The following BEST1 variants were observed in gnomAD, a reference collection of about 807,000 sequenced individuals.
BEST1 encodes bestrophin 1.
A neutral mutation model predicts 63.3 loss-of-function variants in BEST1; 58 were observed. That is an observed-to-expected ratio of 0.92 (90% CI 0.74 to 1.14). The LOEUF is 1.14. BEST1 is among the 50% of genes most tolerant of loss of function. The pLI, the probability that BEST1 is intolerant of heterozygous loss-of-function variation, is 0.00. For synonymous variants in BEST1, 283 were observed against 291.6 expected, an observed-to-expected ratio of 0.97 and a Z score of 0.30; for missense variants, 671 against 740.1, an observed-to-expected ratio of 0.91 and a Z score of 1.08.
In BEST1 at chr11:61,958,910, ACACACACACACACGC is replaced by A. The variant is rs1565035190; in HGVS notation, c.868-587_868-573del. On this transcript the variant is annotated intron_variant, in intron 7 of 10. Coordinates refer to ENST00000378043, the MANE Select transcript of BEST1 (RefSeq NM_004183.4). ...CACACACACACACACACACACATACACACACACACACACGCATTCCTATTCCTCTAAATTCCCCCT... is the reference window on the plus strand; with the variant it reads ...CACACACACACACACACACACATACAATTCCTATTCCTCTAAATTCCCCCT... The A allele has an allele frequency of 5.1e-5, 12 of 236,068 alleles. No homozygotes were observed. The East Asian group carries it at 1.3e-3, about 26-fold the overall frequency. The allele number at this position is 236,068 out of a possible 1,614,324, so 14.6% of individuals were successfully genotyped here. A position where few individuals can be genotyped will look rare whatever the true frequency, so the allele number is the denominator to read the frequency against.
chr11:61,954,799 T>G, intron 2 of BEST1: 2 of 985,340 alleles, frequency 2.0e-6, no homozygotes, highest in Non-Finnish European at 2.4e-6. Flanking sequence ...TTGGCTGCAT[T>G]CAAAGGATCA....
downstream of BEST1, chr11:61,965,133 G>GC (rs1942422017): frequency 6.2e-7 from 1 of 1,602,628 alleles, no homozygotes; most frequent in Admixed American, 1.7e-5. Flanking sequence ...ATAGGTTAAT[G>GC]CATCTCTACC....
chr11:61,965,498 G>A (rs780322158), downstream of BEST1: 7 of 1,602,378 alleles, frequency 4.4e-6, no homozygotes, highest in South Asian at 5.5e-5. Context: ...CCACATCATC[G>A]CGGTCAAAGT....
chr11:61,959,837 A>G (rs572078253), intron 8 of BEST1, 55 bp from the exon 9 acceptor site: 1 of 1,604,480 alleles, frequency 6.2e-7, no homozygotes, highest in Admixed American at 1.7e-5. Context: ...AGGCACATAC[A>G]AGGTCCTGCC....
In BEST1 at chr11:61,962,425, G is replaced by C. The variant is rs201210799; in HGVS notation, c.1271G>C (p.Gly424Ala). The stretch of plus-strand genomic sequence containing the variant: ...AAGAGGGAATCCCTTCTCCACGAGG[G>C]CCTGCCCAAAAACCACAAGGCAGCC... The part of the protein sequence containing the change: ...WPKRESLLHE[G>A]LPKNHKAAKQ... The change falls in exon 10 of 11, where the codon GGC (glycine) becomes GCC (alanine). Residue 424 changes from glycine (G) to alanine (A), a missense_variant. By Grantham distance (60) the Gly-to-Ala change is moderately conservative. Transcript: ENST00000378043. The C allele has an allele frequency of 4.6e-5, 74 of 1,614,056 alleles. No homozygotes were observed. The highest frequency in any genetic ancestry group is 1.7e-4 in the Admixed American group (10 of 60,000).
chr11:61,963,212 A>G, intron 10 of BEST1: 6 of 1,414,470 alleles, frequency 4.2e-6, no homozygotes, highest in Non-Finnish European at 5.5e-6. Flanking sequence ...GGCTTAGCTG[A>G]GCAGATGTTA....
Position 61,962,277 on chromosome 11 carries a change from T to G in BEST1, c.1123T>G (p.Phe375Val), listed in dbSNP as rs756372609. Residue 375 changes from phenylalanine (F) to valine (V), a missense_variant, in exon 10 of 11, where the codon TTC (phenylalanine) becomes GTC (valine). Physicochemically the swap from Phe to Val is conservative, Grantham distance 50. Transcript: ENST00000378043. ...NISLNKEEME[F>V]QPNQEDEEDA... The stretch of plus-strand genomic sequence containing the variant: ...CAGCCTGAACAAAGAGGAGATGGAG[T>G]TCCAGCCCAATCAGGAGGACGAGGA... 5 of 1,613,774 alleles carry G rather than the reference T, an allele frequency of 3.1e-6. No individual in the cohort carries two copies. The highest frequency in any genetic ancestry group is 4.2e-6 in the Non-Finnish European group (5 of 1,179,918).
At chr11:61,950,000 G>A (rs2134402398), upstream of BEST1, 1 of 153,014 alleles carries the variant, frequency 6.5e-6, no homozygotes, top group East Asian at 1.9e-4. Flanking sequence ...TTCCTGGAGA[G>A]TTCCTGGCAC....
At chr11:61,952,633 A>ATT (rs200389888) in intron 2 of BEST1, among the ~76,000 whole-genome samples, 1 of 143,752 alleles carries the variant, frequency 7.0e-6, no homozygotes. Flanking sequence ...CGCCTGGCTA[A>ATT]TTTTTTTTTT....
At chr11:61,965,151 C>T, downstream of BEST1, 1 of 1,602,392 alleles carries the variant, frequency 6.2e-7, no homozygotes, top group East Asian at 2.2e-5. Flanking sequence ...ACCAACTAAC[C>T]TAGAAGTCAG....
Position 61,957,369 on chromosome 11 carries a change from C to G in BEST1, c.637-18C>G, listed in dbSNP as rs116299220. 3.9e-4 allele frequency: 636 copies of G among 1,611,574 alleles called. 3 individuals carry two copies. In the African/African-American group the frequency reaches 7.3e-3, roughly 19 times the overall value. On this transcript the variant is annotated intron_variant, in intron 5 of 10. Transcript: ENST00000378043. ...GCAGGTGGTGTTCAGAACCCCATCC[C>G]CCTCTTCTGCCCCCCAGGAGATGAA...
intron 6 of BEST1, among the ~76,000 whole-genome samples, chr11:61,957,847 G>A (rs1233007349): frequency 2.6e-5 from 4 of 152,058 alleles, no homozygotes; most frequent in East Asian, 1.9e-4. Flanking sequence ...GGTGGTGCAC[G>A]CCTGTAATCC....
intron 7 of BEST1, 132 bp downstream of exon 7, chr11:61,958,430 C>T: frequency 6.5e-7 from 1 of 1,549,898 alleles, no homozygotes; most frequent in Non-Finnish European, 8.7e-7. Flanking sequence ...CGTGGTGGCG[C>T]ACACCTGTAA....
intron 6 of BEST1, 133 bp from the exon 7 acceptor site, chr11:61,958,013 G>A: frequency 8.7e-7 from 1 of 1,147,640 alleles, no homozygotes; most frequent in Non-Finnish European, 1.3e-6. Context: ...GGTTAACAGA[G>A]CCCCTAAGTC....
intron 4 of BEST1, among the ~76,000 whole-genome samples, chr11:61,956,431 C>G (rs987619588): frequency 8.5e-5 from 13 of 152,082 alleles, no homozygotes; most frequent in African/African-American, 3.1e-4. Context: ...GTGGGAAGAT[C>G]GCTTGAGCCC....
chr11:61,956,855 C>A lies in BEST1; in HGVS notation c.493C>A (p.Pro165Thr), dbSNP rs753652930. ...QHLVQAGFMT[P>T]AEHKQLEKLS... ...ACTCCACTCTGCAGGCTTTATGACT[C>A]CGGCAGAACACAAGCAGTTGGAGAA... Residue 165 changes from proline to threonine, a missense_variant, in exon 5 of 11, where the codon CCG becomes ACG. By Grantham distance (38) the Pro-to-Thr change is conservative. Transcript: ENST00000378043. 6.8e-6 allele frequency: 11 copies of A among 1,614,136 alleles called. No homozygotes were observed. In the South Asian group the frequency reaches 1.2e-4, roughly 18 times the overall value.
chr11:61,951,651 T>A (rs1275763083), intron 1 of BEST1, 120 bp from the exon 2 acceptor site: 2 of 1,006,372 alleles, frequency 2.0e-6, no homozygotes, highest in Admixed American at 2.3e-5. Context: ...GGAGACCACT[T>A]CATCCACCTC....
Position 61,958,158 on chromosome 11 carries a change from G to A in BEST1, c.727G>A (p.Ala243Thr), listed in dbSNP as rs137853905. ...PLVYTQVVTV[A>T]VYSFFLTCLV... ...CTCCTCCTCCCAGGTGGTGACTGTGGCGGTGTACAGCTTCTTCCTGACTTG... is the reference window on the plus strand; with the variant it reads ...CTCCTCCTCCCAGGTGGTGACTGTGACGGTGTACAGCTTCTTCCTGACTTG... The change falls in exon 7 of 11, where the codon GCG becomes ACG. Residue 243 changes from alanine to threonine, a missense_variant. Physicochemically the swap from Ala to Thr is moderately conservative, Grantham distance 58 (BLOSUM62 0). Coordinates refer to ENST00000378043, the MANE Select transcript of BEST1 (RefSeq NM_004183.4). 2 of 1,614,082 alleles carry A rather than the reference G, an allele frequency of 1.2e-6. No individual in the cohort carries two copies. Among genetic ancestry groups the A allele is most frequent in the Non-Finnish European group, 1.7e-6 (2 of 1,179,986 alleles).
chr11:61,962,391 C>T lies in BEST1; in HGVS notation c.1237C>T (p.Leu413=), dbSNP rs1942159789. The change falls in exon 10 of 11, where the codon CTG becomes TTG. Residue 413 remains leucine, a synonymous_variant. Transcript: ENST00000378043. ...CAGGGCAAACTCAAGGACCAAACTA[C>T]TGTGGCCCAAGAGGGAATCCCTTCT... The part of the protein sequence containing the change: ...PPRANSRTKL[L]WPKRESLLHE... 6.2e-7 allele frequency: 1 copy of T among 1,614,204 alleles called. No individual in the cohort carries two copies.
Sources: allele counts gnomAD v4.1 joint callset (sites outside exome capture counted in the v4.1 genomes callset), GRCh38; gene constraint gnomAD v4.1.1; transcripts MANE v1.5; gene names NCBI Gene and HGNC (gene_info 2026-07-23, HGNC 2026-07-21).